The following CHD6 variants were observed in gnomAD, a reference collection of about 807,000 sequenced individuals.
CHD6 encodes chromodomain helicase DNA binding protein 6.
A neutral mutation model predicts 276.9 loss-of-function variants in CHD6; 50 were observed. The observed-to-expected ratio is 0.18, with a 90% CI of 0.14 to 0.23. CHD6 has a LOEUF of 0.23. Ranked by LOEUF, CHD6 falls within the 10% of genes least tolerant of loss-of-function variation. CHD6 has a pLI of 1.00. For synonymous variants in CHD6, 1,173 were observed against 1,229.3 expected, an observed-to-expected ratio of 0.95 and a Z score of 0.96; for missense variants, 2,564 against 3,365.8, an observed-to-expected ratio of 0.76 and a Z score of 5.89.
chr20:41,532,900 C>A, intron 3 of CHD6, 150 bp downstream of exon 3: 1 of 834,640 alleles, frequency 1.2e-6, no homozygotes, highest in Non-Finnish European at 1.8e-6. Flanking sequence ...CAAGGGGTTA[C>A]CCCTGCTCCC....
At chr20:41,564,032 T>C in intron 1 of CHD6, 1 of 778,968 alleles carries the variant, frequency 1.3e-6, no homozygotes, top group Non-Finnish European at 2.4e-6. Context: ...GGAGTGAAGA[T>C]ATCTGGGTTC....
intron 33 of CHD6, among the ~76,000 whole-genome samples, chr20:41,415,944 C>A (rs1208822281): frequency 6.6e-6 from 1 of 152,188 alleles, no homozygotes; most frequent in Non-Finnish European, 1.5e-5. Context: ...CTCAACCTCA[C>A]CTGTGCATCA....
At chr20:41,427,696 C>T (rs1264680597) in intron 27 of CHD6, among the ~76,000 whole-genome samples, 1 of 152,112 alleles carries the variant, frequency 6.6e-6, no homozygotes, top group East Asian at 1.9e-4. Context: ...TTTGCCTGGG[C>T]CAGAATTGTC....
At chr20:41,415,042 G>T in intron 34 of CHD6, 144 bp downstream of exon 34, 1 of 1,451,364 alleles carries the variant, frequency 6.9e-7, no homozygotes. Flanking sequence ...AGAAGATGGA[G>T]GGCATCTTAT....
At chr20:41,547,481 T>C in intron 2 of CHD6, 1 of 364,778 alleles carries the variant, frequency 2.7e-6, no homozygotes, top group South Asian at 2.2e-5. Flanking sequence ...GCACCGGGGG[T>C]GAAGTCGATG....
chr20:41,587,841 C>A (rs201594103), intron 1 of CHD6, among the ~76,000 whole-genome samples: 4 of 151,602 alleles, frequency 2.6e-5, no homozygotes, highest in African/African-American at 9.7e-5. Flanking sequence ...AAAAAAAACC[C>A]AAAAAAACCC....
chr20:41,575,678 C>T (rs1452175707), intron 1 of CHD6, among the ~76,000 whole-genome samples: 1 of 152,200 alleles, frequency 6.6e-6, no homozygotes, highest in Non-Finnish European at 1.5e-5. Context: ...ATATGTCCAA[C>T]ATAATATTCA....
chr20:41,532,377 A>G (rs1467548709), intron 3 of CHD6, among the ~76,000 whole-genome samples: 1 of 152,150 alleles, frequency 6.6e-6, no homozygotes, highest in East Asian at 1.9e-4. Flanking sequence ...CTATCTGGAA[A>G]TCTGTGCATA....
At chr20:41,449,490 T>A (rs116693536) in intron 23 of CHD6, among the ~76,000 whole-genome samples, 26 of 152,092 alleles carry the variant, frequency 1.7e-4, no homozygotes, top group Non-Finnish European at 3.1e-4. Flanking sequence ...TGAAAGCCAA[T>A]AGTATTCAAT....
chr20:41,419,426 A>G (rs2047107173), intron 31 of CHD6, among the ~76,000 whole-genome samples: 1 of 151,574 alleles, frequency 6.6e-6, no homozygotes, highest in Admixed American at 6.6e-5. Context: ...AAATACAAAA[A>G]TCAGTCAGAC....
chr20:41,430,818 A>G (rs866808680), intron 27 of CHD6, among the ~76,000 whole-genome samples: 34 of 152,114 alleles, frequency 2.2e-4, no homozygotes, highest in Middle Eastern at 6.8e-3. Context: ...GACAAAAGCA[A>G]TAATATAAAC....
At chr20:41,593,663 A>T (rs539711794) in intron 1 of CHD6, among the ~76,000 whole-genome samples, 7 of 152,308 alleles carry the variant, frequency 4.6e-5, no homozygotes, top group African/African-American at 1.7e-4. Flanking sequence ...CTATTTCCTC[A>T]GCATGTGACT....
chr20:41,555,103 G>C (rs1382556789), intron 1 of CHD6, among the ~76,000 whole-genome samples: 1 of 143,632 alleles, frequency 7.0e-6, no homozygotes, highest in Non-Finnish European at 1.5e-5. Context: ...TTGCCGGGCG[G>C]GGGGCTGACC....
intron 12 of CHD6, among the ~76,000 whole-genome samples, chr20:41,489,524 A>G (rs1043512255): frequency 6.6e-5 from 10 of 152,298 alleles, no homozygotes; most frequent in African/African-American, 2.4e-4. Flanking sequence ...TCATAAACCA[A>G]TAAGTAAGTC....
chr20:41,613,373 C>G (rs1470524785), intron 1 of CHD6, among the ~76,000 whole-genome samples: 1 of 152,226 alleles, frequency 6.6e-6, no homozygotes, highest in African/African-American at 2.4e-5. Context: ...GGCCTCCCCT[C>G]TAGTCCCATC....
intron 2 of CHD6, among the ~76,000 whole-genome samples, chr20:41,538,407 C>A (rs1026193295): frequency 1.3e-4 from 20 of 151,958 alleles, no homozygotes; most frequent in African/African-American, 4.8e-4. Context: ...CATGCTACAC[C>A]ATGGATAGAC....
At position 41,488,542 on chromosome 20, in the gene CHD6, T is replaced by A. The variant is rs749175921; in HGVS notation, c.1743A>T (p.Leu581=). The change falls in exon 13 of 37, where the codon CTA becomes CTT. Residue 581 remains leucine, a synonymous_variant. Transcript: ENST00000373233. ...HVVITTFEMI[L]ADCPELKKIH... Reference sequence around the variant, plus strand: ...TCTTCTTCAACTCTGGGCAGTCTGCTAGGATCATTTCAAATGTTGTGATGA... The same window carrying A: ...TCTTCTTCAACTCTGGGCAGTCTGCAAGGATCATTTCAAATGTTGTGATGA... 7 of 1,613,930 alleles carry A rather than the reference T, an allele frequency of 4.3e-6. No individual in the cohort carries two copies. The highest frequency in any genetic ancestry group is 5.9e-6 in the Non-Finnish European group (7 of 1,179,870).
intron 1 of CHD6, among the ~76,000 whole-genome samples, chr20:41,617,705 T>A (rs1387097026): frequency 1.4e-4 from 21 of 152,022 alleles, no homozygotes; most frequent in Admixed American, 1.4e-3. Context: ...GGCTCCAATT[T>A]TCGGGGCGAG....
At chr20:41,522,653 TGC>T (rs1468333191) in intron 3 of CHD6, among the ~76,000 whole-genome samples, 1 of 151,748 alleles carries the variant, frequency 6.6e-6, no homozygotes, top group Non-Finnish European at 1.5e-5. Context: ...CGCGCACGCG[TGC>T]GCGCACACAC....
Sources: allele counts gnomAD v4.1 joint callset (sites outside exome capture counted in the v4.1 genomes callset), GRCh38; gene constraint gnomAD v4.1.1; transcripts MANE v1.5; gene names NCBI Gene and HGNC (gene_info 2026-07-23, HGNC 2026-07-21).